The following NYAP2 variants were observed in gnomAD, a reference collection of about 807,000 sequenced individuals.
The protein encoded by NYAP2 is neuronal tyrosine-phosphorylated phosphoinositide-3-kinase adaptor 2, also known as neuronal tyrosine-phosphorylated phosphoinositide-3-kinase adapter 2.
Under a neutral mutation model 50.4 loss-of-function variants are expected in NYAP2, and 23 were observed. The ratio of observed to expected loss-of-function variants is 0.46; its 90% CI spans 0.33 to 0.65. The LOEUF (loss-of-function observed/expected upper bound fraction) is 0.65, where lower values mean the gene tolerates loss of function less well. Among genes scored for constraint, NYAP2 ranks in the 30% least tolerant of loss-of-function variants. The pLI is 0.02. For synonymous variants in NYAP2, 394 were observed against 365.2 expected, an observed-to-expected ratio of 1.08 and a Z score of -0.90; for missense variants, 885 against 861.0, an observed-to-expected ratio of 1.03 and a Z score of -0.35.
intron 3 of NYAP2, among the ~76,000 whole-genome samples, chr2:225,437,542 G>T (rs1447695414): frequency 3.3e-5 from 5 of 152,088 alleles, no homozygotes; most frequent in African/African-American, 9.7e-5. Flanking sequence ...TTCACTTCCT[G>T]CCACTAATTG....
downstream of NYAP2, among the ~76,000 whole-genome samples, chr2:225,654,545 G>A (rs372195370): frequency 3.3e-5 from 5 of 151,992 alleles, no homozygotes; most frequent in East Asian, 3.9e-4. Context: ...TTAGCTGGAC[G>A]TGGTGGCACA....
At chr2:225,476,241 G>A (rs570568084) in intron 3 of NYAP2, among the ~76,000 whole-genome samples, 2 of 152,070 alleles carry the variant, frequency 1.3e-5, no homozygotes, top group Non-Finnish European at 2.9e-5. Flanking sequence ...ATGAAACCCC[G>A]TCTCTACTAA....
chr2:225,585,748 G>A (rs920799704), intron 5 of NYAP2, among the ~76,000 whole-genome samples: 7 of 152,122 alleles, frequency 4.6e-5, no homozygotes, highest in Admixed American at 6.5e-5. Flanking sequence ...TTTGACTCTC[G>A]AGGAAAGTAG....
intron 6 of NYAP2, among the ~76,000 whole-genome samples, chr2:225,633,617 A>C (rs975109206): frequency 1.3e-5 from 2 of 152,158 alleles, no homozygotes; most frequent in African/African-American, 4.8e-5. Context: ...AAGGAGAAAT[A>C]TTTCTCCATT....
rs77406341 is a variant in NYAP2 at position 225,526,174 on chromosome 2, C to T, written c.523+12502C>T. ...CTTTTGGATTCTGGCTGTGCCCAGA[C>T]ATCTGATCTACAGAAGTGTGAGCTA... On this transcript the variant is annotated intron_variant, in intron 4 of 6. Coordinates refer to ENST00000636099, the Ensembl canonical transcript of NYAP2. 4.1e-3 allele frequency among the ~76,000 whole-genome samples: 625 copies of T among 152,318 alleles called. 3 individuals carry two copies. Among genetic ancestry groups the T allele is most frequent in the Middle Eastern group, 0.014 (4 of 294 alleles).
intron 4 of NYAP2, among the ~76,000 whole-genome samples, chr2:225,557,748 T>TC (rs1296197191): frequency 6.6e-6 from 1 of 152,156 alleles, no homozygotes; most frequent in Non-Finnish European, 1.5e-5. Flanking sequence ...TTCATTTTTC[T>TC]CCCTGGCATC....
chr2:225,523,741 A>C (rs1691106700), intron 4 of NYAP2, among the ~76,000 whole-genome samples: 1 of 152,134 alleles, frequency 6.6e-6, no homozygotes, highest in Non-Finnish European at 1.5e-5. Context: ...CAAAAAAACA[A>C]GGCCTGAATA....
the NYAP2 span, among the ~76,000 whole-genome samples, chr2:225,691,664 T>A: frequency 2.0e-5 from 3 of 152,054 alleles, no homozygotes; most frequent in Non-Finnish European, 4.4e-5. Context: ...ACCTCATGAC[T>A]CCTAAAGACA....
chr2:225,692,504 G>T, the NYAP2 span, among the ~76,000 whole-genome samples: 3 of 151,966 alleles, frequency 2.0e-5, no homozygotes, highest in Non-Finnish European at 4.4e-5. Context: ...AATATATGGG[G>T]ATTTCTCCAT....
At chr2:225,672,740 T>C in the NYAP2 span, among the ~76,000 whole-genome samples, 1 of 152,114 alleles carries the variant, frequency 6.6e-6, no homozygotes, top group African/African-American at 2.4e-5. Flanking sequence ...TAGAGGCCAC[T>C]GTAGGGTTAT....
intron 3 of NYAP2, among the ~76,000 whole-genome samples, chr2:225,459,299 T>C (rs1040538676): frequency 5.3e-5 from 8 of 152,352 alleles, no homozygotes; most frequent in Admixed American, 4.6e-4. Flanking sequence ...AGTGTTGACA[T>C]TGGGATTTAG....
In NYAP2 at chr2:225,582,688, A is replaced by T; in HGVS notation, c.1271A>T (p.Gln424Leu). 1 of 1,596,188 alleles carries T rather than the reference A, an allele frequency of 6.3e-7. No homozygotes were observed. Among genetic ancestry groups the T allele is most frequent in the Non-Finnish European group, 8.5e-7 (1 of 1,170,632 alleles). ...CCCCCGTCTACGCTGTACCGAACCC[A>T]GTCTCCCCATGGCTACCCTAAAAGT... is the stretch of plus-strand genomic sequence containing the variant. Residue 424 changes from glutamine to leucine, a missense_variant, in exon 5 of 7, where the codon CAG becomes CTG. Gln to Leu is a moderately radical substitution (Grantham distance 113). Coordinates refer to ENST00000636099, the Ensembl canonical transcript of NYAP2. The surrounding 1 kb of genome is among the most constrained non-coding windows in gnomAD (Gnocchi z 7.0).
At chr2:225,442,919 G>A (rs544897142) in intron 3 of NYAP2, among the ~76,000 whole-genome samples, 8 of 152,298 alleles carry the variant, frequency 5.3e-5, no homozygotes, top group African/African-American at 1.9e-4. Context: ...CATGGCTGGA[G>A]ACGCCTCACA....
At chr2:225,502,301 C>T (rs1013992087) in intron 3 of NYAP2, among the ~76,000 whole-genome samples, 2 of 152,138 alleles carry the variant, frequency 1.3e-5, no homozygotes, top group Admixed American at 1.3e-4. Flanking sequence ...TTACTGGTTC[C>T]AACAGGGACA....
intron 3 of NYAP2, among the ~76,000 whole-genome samples, chr2:225,427,614 T>A (rs1695306070): frequency 6.6e-6 from 1 of 152,222 alleles, no homozygotes; most frequent in Admixed American, 6.5e-5. Context: ...CCAAGTGGTA[T>A]CTCACTGAAA....
chr2:225,592,464 T>C (rs572438266), intron 5 of NYAP2, among the ~76,000 whole-genome samples: 15 of 152,358 alleles, frequency 9.8e-5, no homozygotes, highest in Non-Finnish European at 2.2e-4. Context: ...ACATTTGTGG[T>C]ACTATGTACT....
the NYAP2 span, among the ~76,000 whole-genome samples, chr2:225,695,002 A>G: frequency 6.6e-6 from 1 of 151,842 alleles, no homozygotes; most frequent in Non-Finnish European, 1.5e-5. Context: ...AATCAAGTGG[A>G]CATATAACTA....
the NYAP2 span, among the ~76,000 whole-genome samples, chr2:225,678,209 C>T: frequency 6.6e-6 from 1 of 152,022 alleles, no homozygotes; most frequent in African/African-American, 2.4e-5. Context: ...CACAGAGGTG[C>T]TCAGAATAGT....
At chr2:225,651,756 T>C (rs907547185) in exon 7 of NYAP2, 9 of 640,906 alleles carry the variant, frequency 1.4e-5, no homozygotes, top group Non-Finnish European at 2.1e-5. Context: ...AAACTTTCTT[T>C]GCTGTTTGTT....
Sources: allele counts gnomAD v4.1 joint callset (sites outside exome capture counted in the v4.1 genomes callset), GRCh38; gene constraint gnomAD v4.1.1; non-coding constraint Gnocchi (gnomAD v3.1); transcripts MANE v1.5; gene names NCBI Gene and HGNC (gene_info 2026-07-23, HGNC 2026-07-21).